Variants in ARMC9 observed in about 807,000 individuals in gnomAD.
The protein encoded by ARMC9 is lisH domain-containing protein ARMC9.
In ARMC9, 94 loss-of-function variants were observed where a neutral mutation model predicts 107.0. The ratio of observed to expected loss-of-function variants is 0.88; its 90% CI spans 0.74 to 1.04. The LOEUF (loss-of-function observed/expected upper bound fraction) is 1.04. Among genes scored for constraint, ARMC9 ranks in the 50% least tolerant of loss-of-function variants. The pLI, the probability that ARMC9 is intolerant of heterozygous loss-of-function variation, is 0.00. For missense variants in ARMC9, 942 were observed against 1,030.1 expected, an observed-to-expected ratio of 0.91 and a Z score of 1.17; for synonymous variants, 380 against 396.9, an observed-to-expected ratio of 0.96 and a Z score of 0.51.
intron 23 of ARMC9, 105 bp from the exon 24 acceptor site, chr2:231,369,848 C>T (rs2045949102): frequency 8.4e-7 from 1 of 1,186,656 alleles, no homozygotes; most frequent in Non-Finnish European, 1.1e-6. Context: ...TCCGCCTTGG[C>T]CTCTCAGAGT....
At chr2:231,204,202 A>C (rs1329052572) in intron 1 of ARMC9, among the ~76,000 whole-genome samples, 1 of 146,902 alleles carries the variant, frequency 6.8e-6, no homozygotes, top group Non-Finnish European at 1.5e-5. Flanking sequence ...AAAAAAGGAC[A>C]TCAGTGGTGT....
At chr2:231,216,854 G>C (rs979668320) in intron 5 of ARMC9, 61 bp downstream of exon 5, 1 of 1,522,366 alleles carries the variant, frequency 6.6e-7, no homozygotes, top group Admixed American at 2.2e-5. Context: ...TTTACCTTCT[G>C]TATGCTGGGG....
At chr2:231,319,126 G>A (rs991802911) in intron 19 of ARMC9, among the ~76,000 whole-genome samples, 4 of 152,078 alleles carry the variant, frequency 2.6e-5, no homozygotes, top group African/African-American at 4.8e-5. Context: ...GCTGTTAGAA[G>A]GTCACTTTCA....
At chr2:231,228,335 C>G (rs2034858395) in intron 7 of ARMC9, among the ~76,000 whole-genome samples, 1 of 152,242 alleles carries the variant, frequency 6.6e-6, no homozygotes, top group Non-Finnish European at 1.5e-5. Context: ...TTAAGCTGTT[C>G]TCCCTCAGCG....
In ARMC9 at chr2:231,203,811, T is replaced by G. The variant is rs547742324; in HGVS notation, c.-41-2387T>G. ...CCCGTCTCTACTAAAAATACAAAAA[T>G]TAGCTAGGCATGGTGGCGGGTGCCT... On this transcript the variant is annotated intron_variant, in intron 1 of 24. Transcript: ENST00000611582. Among the ~76,000 whole-genome samples, 38 of 152,038 alleles carry G rather than the reference T, an allele frequency of 2.5e-4. 1 individual carries two copies. The South Asian group carries it at 7.3e-3, about 29-fold the overall frequency.
At chr2:231,272,825 T>A in intron 13 of ARMC9, 130 bp from the exon 14 acceptor site, 2 of 1,278,346 alleles carry the variant, frequency 1.6e-6, no homozygotes, top group Non-Finnish European at 2.1e-6. Context: ...CCAGTAAGTT[T>A]TTTAGAACAT....
intron 20 of ARMC9, among the ~76,000 whole-genome samples, chr2:231,339,766 T>G (rs1437035013): frequency 6.6e-6 from 1 of 152,258 alleles, no homozygotes; most frequent in Non-Finnish European, 1.5e-5. Context: ...ACCGTATCTC[T>G]ACTTAAAATA....
chr2:231,352,759 A>G (rs565408892), intron 21 of ARMC9, among the ~76,000 whole-genome samples: 71 of 130,604 alleles, frequency 5.4e-4, no homozygotes, highest in Non-Finnish European at 9.0e-4. Context: ...GTAGGTAGAC[A>G]TAGATATAGA....
intron 19 of ARMC9, among the ~76,000 whole-genome samples, chr2:231,315,538 C>CATAA (rs1008199538): frequency 3.3e-5 from 5 of 152,084 alleles, no homozygotes; most frequent in Non-Finnish European, 4.4e-5. Flanking sequence ...GGCTCCATCT[C>CATAA]ATAAATAAAT....
chr2:231,343,157 C>T (rs1048766104), intron 20 of ARMC9, among the ~76,000 whole-genome samples: 1 of 151,908 alleles, frequency 6.6e-6, no homozygotes, highest in African/African-American at 2.4e-5. Flanking sequence ...AGGTGATCCA[C>T]CCACCTTGGC....
chr2:231,278,055 C>T (rs1047967288), intron 15 of ARMC9, among the ~76,000 whole-genome samples: 2 of 152,146 alleles, frequency 1.3e-5, no homozygotes, highest in African/African-American at 4.8e-5. Context: ...TGTAATGACT[C>T]GCTCTGTGCT....
rs867263111 is a variant in ARMC9, at chr2:231,335,520, G to A, written c.1878+3623G>A. Among the ~76,000 whole-genome samples, 21 of 152,320 alleles carry A rather than the reference G, an allele frequency of 1.4e-4. 1 individual carries two copies. The highest frequency in any genetic ancestry group is 1.3e-3 in the Admixed American group (20 of 15,302). On this transcript the variant is annotated intron_variant, in intron 20 of 24. Transcript: ENST00000611582. ...CTACCCACAGCTCCTCTGCTCTGCAGAGCACAGGCTATGCAAAATGCTGAA... is the reference window on the plus strand; with the variant it reads ...CTACCCACAGCTCCTCTGCTCTGCAAAGCACAGGCTATGCAAAATGCTGAA...
intron 23 of ARMC9, among the ~76,000 whole-genome samples, chr2:231,364,355 A>C (rs1325801736): frequency 1.3e-5 from 2 of 152,218 alleles, no homozygotes; most frequent in Non-Finnish European, 2.9e-5. Context: ...AATGTCAAAA[A>C]TCTTGTCCTG....
At chr2:231,205,405 A>G (rs1344597341) in intron 1 of ARMC9, among the ~76,000 whole-genome samples, 1 of 152,100 alleles carries the variant, frequency 6.6e-6, no homozygotes, top group Non-Finnish European at 1.5e-5. Flanking sequence ...CACATTCTGA[A>G]TTTTATAGAT....
At chr2:231,212,169 G>A (rs1029677808) in intron 3 of ARMC9, among the ~76,000 whole-genome samples, 3 of 152,158 alleles carry the variant, frequency 2.0e-5, no homozygotes, top group South Asian at 2.1e-4. Context: ...TATAAGAAGC[G>A]TGTGTGTCTA....
intron 19 of ARMC9, among the ~76,000 whole-genome samples, chr2:231,298,486 C>T (rs1186182324): frequency 1.3e-5 from 2 of 152,158 alleles, no homozygotes; most frequent in Non-Finnish European, 2.9e-5. Context: ...TATCACTTCC[C>T]AAGGTGACAG....
intron 19 of ARMC9, among the ~76,000 whole-genome samples, chr2:231,305,808 G>T (rs146301148): frequency 1.1e-3 from 174 of 152,016 alleles, no homozygotes; most frequent in African/African-American, 3.9e-3. Context: ...CAGCTGCAGT[G>T]GCTTTTTAAT....
chr2:231,285,513 G>C (rs747859176), intron 17 of ARMC9, among the ~76,000 whole-genome samples: 2 of 151,690 alleles, frequency 1.3e-5, no homozygotes, highest in Non-Finnish European at 2.9e-5. Context: ...AGGTGTGGTG[G>C]TGGGCGCCGA....
At chr2:231,357,684 C>T (rs145977034) in intron 22 of ARMC9, among the ~76,000 whole-genome samples, 232 of 152,314 alleles carry the variant, frequency 1.5e-3, no homozygotes, top group African/African-American at 5.0e-3. Context: ...GCGATCCTCC[C>T]GCATCAGCTT....
Sources: allele counts gnomAD v4.1 joint callset (sites outside exome capture counted in the v4.1 genomes callset), GRCh38; gene constraint gnomAD v4.1.1; transcripts MANE v1.5; gene names NCBI Gene and HGNC (gene_info 2026-07-23, HGNC 2026-07-21).